The following MTERF4 variants were observed in gnomAD, a reference collection of about 807,000 sequenced individuals.
MTERF4 encodes the protein mitochondrial transcription termination factor 4.
In MTERF4, 17 loss-of-function variants were observed where a neutral mutation model predicts 22.5. That is an observed-to-expected ratio of 0.75 (90% CI 0.52 to 1.13). MTERF4 has a LOEUF of 1.13. Among genes scored for constraint, MTERF4 ranks in the 50% most tolerant of loss-of-function variants. MTERF4 has a pLI of 0.00. For missense variants in MTERF4, 420 were observed against 466.8 expected (o/e 0.90, Z 0.92); for synonymous variants, 165 against 175.3 (o/e 0.94, Z 0.47).
the MTERF4 span, among the ~76,000 whole-genome samples, chr2:241,051,099 G>A: frequency 1.3e-5 from 2 of 152,206 alleles, no homozygotes; most frequent in East Asian, 1.9e-4. The surrounding 1 kb of genome is among the most constrained non-coding windows in gnomAD (Gnocchi z 4.7). Flanking sequence ...AGCACAGTGG[G>A]GCAGGCCCCT....
At chr2:241,065,170 GA>G in the MTERF4 span, 1 of 1,003,262 alleles carries the variant, frequency 1.0e-6, no homozygotes, top group Non-Finnish European at 1.5e-6. Context: ...CAGGGACAAA[GA>G]AGGACTCTGC....
intron 4 of MTERF4, among the ~76,000 whole-genome samples, chr2:241,078,763 T>C (rs2063170526): frequency 6.6e-6 from 1 of 151,794 alleles, no homozygotes. Flanking sequence ...CAATAAATTG[T>C]ACACTTTGGG....
the MTERF4 span, chr2:241,049,823 C>G: frequency 6.2e-7 from 1 of 1,613,472 alleles, no homozygotes. Context: ...CCAGCCCTGC[C>G]ATCACCCTGC....
the MTERF4 span, among the ~76,000 whole-genome samples, chr2:241,043,398 G>C: frequency 6.6e-6 from 1 of 152,150 alleles, no homozygotes; most frequent in African/African-American, 2.4e-5. Flanking sequence ...CTAGTGTACT[G>C]TATTACCAGC....
At chr2:241,052,416 G>A in the MTERF4 span, 33 of 1,606,570 alleles carry the variant, frequency 2.1e-5, no homozygotes, top group Non-Finnish European at 2.6e-5. Flanking sequence ...ACCGGGACAC[G>A]GATTTCTTCT....
downstream of MTERF4, among the ~76,000 whole-genome samples, chr2:241,083,735 CT>C (rs745591652): frequency 2.6e-5 from 4 of 152,184 alleles, no homozygotes; most frequent in Non-Finnish European, 5.9e-5. Flanking sequence ...GCATTCTATC[CT>C]TTCACTTTTA....
the MTERF4 span, among the ~76,000 whole-genome samples, chr2:241,054,026 C>T: frequency 1.3e-5 from 2 of 152,308 alleles, no homozygotes; most frequent in African/African-American, 4.8e-5. Flanking sequence ...ATAAGCCCAT[C>T]CCTGTCCCCC....
downstream of MTERF4, among the ~76,000 whole-genome samples, chr2:241,067,387 C>T (rs1219870342): frequency 6.6e-6 from 1 of 152,230 alleles, no homozygotes; most frequent in Non-Finnish European, 1.5e-5. Flanking sequence ...GATGTGTGCT[C>T]TTAGACCAAA....
chr2:241,083,596 C>T (rs2063434488), downstream of MTERF4, among the ~76,000 whole-genome samples: 1 of 152,188 alleles, frequency 6.6e-6, no homozygotes, highest in African/African-American at 2.4e-5. Context: ...TGACAGCCCA[C>T]TGAATTCGGA....
chr2:241,071,457 T>C (rs2062711214), downstream of MTERF4: 1 of 1,217,380 alleles, frequency 8.2e-7, no homozygotes. Context: ...CCCACGCACA[T>C]GCCCCCCTTC....
At chr2:241,067,554 G>A (rs985748905), downstream of MTERF4, among the ~76,000 whole-genome samples, 2 of 152,170 alleles carry the variant, frequency 1.3e-5, no homozygotes, top group Non-Finnish European at 2.9e-5. Context: ...CAGCCGTCAT[G>A]CTCACAGCGG....
Position 241,075,240 on chromosome 2 carries a change from G to C in MTERF4, n.922C>G, listed in dbSNP as rs2062966028. 6.6e-6 allele frequency: 1 copy of C among 152,212 alleles called. No homozygotes were observed. Among genetic ancestry groups the C allele is most frequent in the East Asian group, 1.9e-4 (1 of 5,200 alleles). 9.4% of individuals were successfully genotyped at this position (152,212 alleles called of 1,614,324 possible). Reference sequence around the variant, plus strand: ...CAGGTTTTCCAGTACGTGTGCGGGAGTGGAAAAGCTGGATCTAGGATGAGG... The same window carrying C: ...CAGGTTTTCCAGTACGTGTGCGGGACTGGAAAAGCTGGATCTAGGATGAGG... On this transcript the variant is annotated non_coding_transcript_exon_variant, in exon 5 of 5. Transcript: ENST00000464344. This position sits in a 1 kb window ranked among gnomAD's most constrained non-coding sequence, Gnocchi z 4.8.
At chr2:241,052,283 G>A in the MTERF4 span, 4 of 1,453,146 alleles carry the variant, frequency 2.8e-6, no homozygotes, top group South Asian at 3.7e-5. Flanking sequence ...GGGTGCAGGA[G>A]GCAGGATGCC....
At chr2:241,084,329 G>A (rs2063477501), downstream of MTERF4, among the ~76,000 whole-genome samples, 1 of 151,954 alleles carries the variant, frequency 6.6e-6, no homozygotes, top group South Asian at 2.1e-4. Flanking sequence ...TAGAGACAAA[G>A]TTTACGTAGA....
chr2:241,043,190 G>A, the MTERF4 span, among the ~76,000 whole-genome samples: 92 of 152,288 alleles, frequency 6.0e-4, 1 homozygote, highest in Middle Eastern at 0.01. Flanking sequence ...TCCAAGAAAA[G>A]CATGAAGAAA....
downstream of MTERF4, chr2:241,092,206 C>G (rs1308254455): frequency 6.6e-6 from 1 of 152,176 alleles, no homozygotes; most frequent in Non-Finnish European, 1.5e-5. The surrounding 1 kb of genome is among the most constrained non-coding windows in gnomAD (Gnocchi z 4.6). Context: ...TTATGACGCT[C>G]GTGCAGGTCG....
the MTERF4 span, chr2:241,063,315 C>A: frequency 1.9e-6 from 1 of 525,010 alleles, no homozygotes; most frequent in Admixed American, 3.2e-5. Flanking sequence ...GGGAGCCGTG[C>A]CCAGTCGTGG....
downstream of MTERF4, chr2:241,088,968 C>T (rs1239192055): frequency 3.9e-6 from 1 of 257,502 alleles, no homozygotes; most frequent in Non-Finnish European, 7.4e-6. Context: ...ACACTGGGCT[C>T]ATAGGCATTC....
At chr2:241,050,759 C>G in the MTERF4 span, among the ~76,000 whole-genome samples, 20 of 152,322 alleles carry the variant, frequency 1.3e-4, no homozygotes, top group African/African-American at 4.8e-4. Flanking sequence ...CTTCATGGGC[C>G]CTGCCCAGAG....
Sources: gnomAD v4.1 joint callset for allele counts (sites outside exome capture counted in the v4.1 genomes callset) on GRCh38, gnomAD v4.1.1 for gene constraint, Gnocchi (gnomAD v3.1) non-coding constraint, MANE v1.5 for transcripts, NCBI Gene and HGNC (gene_info 2026-07-23, HGNC 2026-07-21) for gene names.